The following UBE4A variants were observed in gnomAD, a reference collection of about 807,000 sequenced individuals.
The protein encoded by UBE4A is ubiquitination factor E4A.
Under a neutral mutation model 117.9 loss-of-function variants are expected in UBE4A, and 48 were observed. That is an observed-to-expected ratio of 0.41 (90% confidence interval 0.32 to 0.52). The LOEUF (loss-of-function observed/expected upper bound fraction) is 0.52, where lower values mean the gene tolerates loss of function less well. Ranked by LOEUF, UBE4A falls within the 20% of genes least tolerant of loss-of-function variation. The pLI, the probability that UBE4A is intolerant of heterozygous loss-of-function variation, is 0.33. For missense variants in UBE4A, 1,067 were observed against 1,296.3 expected (o/e 0.82, Z 2.72); for synonymous variants, 407 against 450.0 (o/e 0.90, Z 1.21).
chr11:118,386,674 G>C, intron 16 of UBE4A, 62 bp downstream of exon 16: 1 of 1,462,546 alleles, frequency 6.8e-7, no homozygotes, highest in Non-Finnish European at 9.0e-7. Context: ...CTTCACTTGG[G>C]GGATCAGCCC....
At chr11:118,372,714 A>AT (rs1425053272) in intron 6 of UBE4A, 48 bp downstream of exon 6, 3 of 1,604,288 alleles carry the variant, frequency 1.9e-6, no homozygotes, top group Admixed American at 3.6e-5. Flanking sequence ...TGATTTTCAG[A>AT]TTTAAAATTT....
intron 10 of UBE4A, 137 bp from the exon 11 acceptor site, chr11:118,379,309 T>G: frequency 2.1e-6 from 2 of 951,004 alleles, no homozygotes; most frequent in Non-Finnish European, 3.2e-6. Context: ...CAAAAACTTT[T>G]GTGAGTGCCT....
intron 1 of UBE4A, among the ~76,000 whole-genome samples, chr11:118,360,980 G>GTATA (rs990685315): frequency 1.4e-5 from 2 of 139,230 alleles, no homozygotes; most frequent in African/African-American, 2.7e-5. Flanking sequence ...ATATATGTAT[G>GTATA]TATATATGTG....
intron 1 of UBE4A, among the ~76,000 whole-genome samples, chr11:118,360,535 C>A (rs975997282): frequency 2.0e-5 from 3 of 152,138 alleles, no homozygotes; most frequent in Non-Finnish European, 4.4e-5. Flanking sequence ...ATTTTAATTT[C>A]TATTTTATAT....
intron 19 of UBE4A, among the ~76,000 whole-genome samples, chr11:118,394,109 C>A (rs143697425): frequency 6.6e-6 from 1 of 151,906 alleles, no homozygotes; most frequent in African/African-American, 2.4e-5. Flanking sequence ...TTTTTTAGTC[C>A]GGCATTAGAA....
chr11:118,361,282 A>G lies in UBE4A; in HGVS notation c.-42+1608A>G, dbSNP rs201244434. Reference sequence around the variant, plus strand: ...TGATCTGTCTGCCTTGGCCTCCCAAAGTGCTGGGATTACAGGCATGACCTA... The same window carrying G: ...TGATCTGTCTGCCTTGGCCTCCCAAGGTGCTGGGATTACAGGCATGACCTA... On this transcript the variant is annotated intron_variant, in intron 1 of 19. Transcript: ENST00000252108. 1.7e-3 allele frequency among the ~76,000 whole-genome samples: 255 copies of G among 152,306 alleles called. 7 individuals are homozygous for G. In the East Asian group the frequency reaches 0.048, roughly 29 times the overall value.
Position 118,374,924 on chromosome 11 carries a change from A to G in UBE4A, c.1145A>G (p.Tyr382Cys). ...QFMAQFHEKI[Y>C]QMLKNLLQLS... Reference sequence around the variant, plus strand: ...ATGGCTCAGTTCCACGAAAAGATCTACCAGATGCTGAAGAACTTACTCCAG... The same window carrying G: ...ATGGCTCAGTTCCACGAAAAGATCTGCCAGATGCTGAAGAACTTACTCCAG... Residue 382 changes from tyrosine (Y) to cysteine (C), a missense_variant, in exon 9 of 20, where the codon TAC becomes TGC. Transcript: ENST00000252108. 1 of 1,549,400 alleles carries G rather than the reference A, an allele frequency of 6.5e-7. No individual in the cohort carries two copies.
In UBE4A at chr11:118,368,823, G is replaced by A; in HGVS notation, c.295+19G>A. The stretch of plus-strand genomic sequence containing the variant: ...GACAACAGTGAGTTACAAACTTATA[G>A]CATTATTCTACCCTTCCTATTTGAG... On this transcript the variant is annotated intron_variant, in intron 3 of 19. Transcript: ENST00000252108. The A allele has an allele frequency of 6.2e-7, 1 of 1,613,110 alleles. No homozygotes were observed. Among genetic ancestry groups the A allele is most frequent in the Admixed American group, 1.7e-5 (1 of 60,016 alleles).
intron 1 of UBE4A, among the ~76,000 whole-genome samples, chr11:118,364,573 C>T (rs560269340): frequency 6.0e-4 from 91 of 152,168 alleles, no homozygotes; most frequent in African/African-American, 2.1e-3. Context: ...TATCCATCCC[C>T]AGCCCTAAGT....
intron 19 of UBE4A, 92 bp downstream of exon 19, chr11:118,392,987 C>A: frequency 8.2e-7 from 1 of 1,222,562 alleles, no homozygotes; most frequent in Non-Finnish European, 1.1e-6. Flanking sequence ...ACTTTGCACC[C>A]AACACATACC....
At position 118,381,374 on chromosome 11, in the gene UBE4A, A is replaced by G; in HGVS notation, c.1877-17A>G. On this transcript the variant is annotated splice_polypyrimidine_tract_variant and intron_variant, in intron 11 of 19. Transcript: ENST00000252108. ...TACAGATGTTTGGCTAATTCCAGTG[A>G]ATATTTTCTTTTTCAGAATTTTTTG... 6.2e-7 allele frequency: 1 copy of G among 1,613,718 alleles called. No homozygotes were observed. The highest frequency in any genetic ancestry group is 1.1e-5 in the South Asian group (1 of 91,046).
chr11:118,363,606 C>CTTTTTTT (rs199847839), intron 1 of UBE4A, among the ~76,000 whole-genome samples: 6 of 122,848 alleles, frequency 4.9e-5, no homozygotes, highest in Non-Finnish European at 8.4e-5. Context: ...ACCACATTAG[C>CTTTTTTT]TTTTTTTTTT....
At chr11:118,364,342 T>C (rs1024111085) in intron 1 of UBE4A, among the ~76,000 whole-genome samples, 1 of 152,108 alleles carries the variant, frequency 6.6e-6, no homozygotes, top group Non-Finnish European at 1.5e-5. Context: ...TCAGTATTAT[T>C]TTAAGAAATC....
In UBE4A at chr11:118,397,275, G is replaced by T. The variant is rs551139359; in HGVS notation, c.*835G>T. On this transcript the variant is annotated 3_prime_UTR_variant, in exon 20 of 20. Transcript: ENST00000252108. ...ATCAACAGTATATCTCAGTGTGTGAGATATATAAATACACATACACCCCAT... is the reference window on the plus strand; with the variant it reads ...ATCAACAGTATATCTCAGTGTGTGATATATATAAATACACATACACCCCAT... The T allele has an allele frequency of 6.6e-6, 1 of 152,254 alleles. No homozygotes were observed. Among genetic ancestry groups the T allele is most frequent in the South Asian group, 2.1e-4 (1 of 4,824 alleles). 9.4% of individuals were successfully genotyped at this position (152,254 alleles called of 1,614,324 possible). A position where few individuals can be genotyped will look rare whatever the true frequency, so the allele number is the denominator to read the frequency against.
At position 118,396,310 on chromosome 11, in the gene UBE4A, C is replaced by T. The variant is rs373520275; in HGVS notation, c.3075-4C>T. On this transcript the variant is annotated splice_region_variant and splice_polypyrimidine_tract_variant and intron_variant, in intron 19 of 19. Transcript: ENST00000252108. ...CCCTATTTCCCTTTCTCTCTTTGTC[C>T]CAGTGACCAAACAGATCCCTTTAAC... The T allele has an allele frequency of 1.1e-3, 1,723 of 1,610,170 alleles. 26 individuals carry two copies. In the South Asian group the frequency reaches 0.012, roughly 11 times the overall value.
chr11:118,379,535 C>T lies in UBE4A; in HGVS notation c.1661C>T (p.Ala554Val). The T allele has an allele frequency of 6.2e-7, 1 of 1,614,242 alleles. No individual in the cohort carries two copies. The highest frequency in any genetic ancestry group is 1.3e-5 in the African/African-American group (1 of 75,056). Residue 554 changes from alanine to valine, a missense_variant, in exon 11 of 20, where the codon GCT becomes GTT. Physicochemically the swap from Ala to Val is moderately conservative, Grantham distance 64. Coordinates refer to ENST00000252108, the MANE Select transcript of UBE4A (RefSeq NM_001204077.2). The stretch of plus-strand genomic sequence containing the variant: ...GCTCAGCAAAGTTCTAGCCCTGCTG[C>T]TGACAATCTTCGTGAGCAGTTTGAA... ...RDAQQSSSPAADNLREQFERL... is the reference protein window; with the variant it reads ...RDAQQSSSPAVDNLREQFERL...
At position 118,365,176 on chromosome 11, in the gene UBE4A, A is replaced by G. The variant is rs756827887; in HGVS notation, c.96A>G (p.Gln32=). 1.4e-5 allele frequency: 22 copies of G among 1,611,372 alleles called. No homozygotes were observed. Among genetic ancestry groups the G allele is most frequent in the Non-Finnish European group, 1.8e-5 (21 of 1,178,900 alleles). Residue 32 remains glutamine, a synonymous_variant, in exon 2 of 20, where the codon CAA becomes CAG. Transcript: ENST00000252108. ...ATGCCAAACAGTTTGCGGCAATCCA[A>G]AAAGAGCAGCTGAAGCAACAATCTG... is the stretch of plus-strand genomic sequence containing the variant. The part of the protein sequence containing the change: ...LADAKQFAAI[Q]KEQLKQQSDE...
At chr11:118,360,821 A>T (rs1169801821) in intron 1 of UBE4A, among the ~76,000 whole-genome samples, 1 of 152,170 alleles carries the variant, frequency 6.6e-6, no homozygotes, top group Non-Finnish European at 1.5e-5. Flanking sequence ...AGTGTATCAG[A>T]GTGAAACTTG....
chr11:118,384,681 G>A lies in UBE4A; in HGVS notation c.2244G>A (p.Met748Ile). ...FEQKFNYRRP[M>I]YPILRYMWGT... The stretch of plus-strand genomic sequence containing the variant: ...AGAAGTTTAATTACCGCCGTCCCAT[G>A]TATCCTATCCTAAGATACATGTGGG... The change falls in exon 14 of 20, where the codon ATG (methionine) becomes ATA (isoleucine). Residue 748 changes from methionine (M) to isoleucine (I), a missense_variant. Physicochemically the swap from Met to Ile is conservative, Grantham distance 10. This residue lies in a region of UBE4A where 1,001 missense variants were observed against 1,184.0 expected (regional missense o/e 0.85). Transcript: ENST00000252108. The A allele has an allele frequency of 6.2e-7, 1 of 1,614,102 alleles. No individual in the cohort carries two copies. Among genetic ancestry groups the A allele is most frequent in the Non-Finnish European group, 8.5e-7 (1 of 1,179,992 alleles).
Sources: allele counts gnomAD v4.1 joint callset (sites outside exome capture counted in the v4.1 genomes callset), GRCh38; gene constraint gnomAD v4.1.1; regional missense constraint gnomAD v4.1.1; transcripts MANE v1.5; gene names NCBI Gene and HGNC (gene_info 2026-07-23, HGNC 2026-07-21).